Variants in AUTS2 observed in about 807,000 individuals in gnomAD.
AUTS2 encodes autism susceptibility gene 2 protein.
AUTS2 carries 17 observed loss-of-function variants against 112.4 expected under a neutral mutation model. The observed-to-expected ratio is 0.15, with a 90% CI of 0.10 to 0.23. AUTS2 has a LOEUF of 0.23. AUTS2 is among the 10% of genes least tolerant of loss of function. The pLI is 1.00. For missense variants in AUTS2, 1,510 were observed against 1,701.6 expected, an observed-to-expected ratio of 0.89 and a Z score of 1.98; for synonymous variants, 751 against 702.7, an observed-to-expected ratio of 1.07 and a Z score of -1.09.
chr7:70,435,667 G>T, intron 4 of AUTS2, 85 bp from the exon 5 acceptor site: 4 of 1,333,916 alleles, frequency 3.0e-6, no homozygotes, highest in African/African-American at 1.5e-5. Context: ...CACTTTTTTT[G>T]TATGGGGGTT....
intron 3 of AUTS2, among the ~76,000 whole-genome samples, chr7:70,129,901 TTGTGTGTGTGTGTGTG>T (rs34163076): frequency 4.1e-5 from 6 of 147,410 alleles, no homozygotes; most frequent in Admixed American, 4.1e-4. Context: ...TATATATATA[TTGTGTGTGTGTGTGTG>T]TGTGTGTGTG....
Position 70,021,033 on chromosome 7 carries a change from A to T in AUTS2, c.523-97099A>T, listed in dbSNP as rs897216349. On this transcript the variant is annotated intron_variant, in intron 2 of 18. Transcript: ENST00000342771. ...AGATAGAGTTTTGAGCCCAGGCTGG[A>T]GTGCAATGGCGTGATCTCAGCTCAC... Among the ~76,000 whole-genome samples, 18 of 150,824 alleles carry T rather than the reference A, an allele frequency of 1.2e-4. No individual in the cohort carries two copies. The Admixed American group carries it at 1.2e-3, about 10-fold the overall frequency.
chr7:69,849,651 A>T (rs6963708), intron 1 of AUTS2, among the ~76,000 whole-genome samples: 2,276 of 151,254 alleles, frequency 0.015, 65 homozygotes, highest in African/African-American at 0.053. Context: ...AAAATATATC[A>T]CATAAATATG....
At position 70,784,994 on chromosome 7, in the gene AUTS2, C is replaced by T. The variant is rs768708424; in HGVS notation, c.2199C>T (p.Asn733=). ...TPFGPPPHHS[N]FLNPAAHLEP... is the part of the protein sequence containing the mutation. ...TTGGGCCACCTCCTCATCACAGCAA[C>T]TTCCTCAACCCTGCTGCCCACCTAG... Residue 733 remains asparagine, a synonymous_variant, in exon 16 of 19, where the codon AAC becomes AAT. Transcript: ENST00000342771. 1 of 1,614,084 alleles carries T rather than the reference C, an allele frequency of 6.2e-7. No homozygotes were observed. Among genetic ancestry groups the T allele is most frequent in the African/African-American group, 1.3e-5 (1 of 74,932 alleles).
intron 2 of AUTS2, among the ~76,000 whole-genome samples, chr7:69,976,571 C>T (rs1233475515): frequency 6.6e-6 from 1 of 152,104 alleles, no homozygotes; most frequent in Non-Finnish European, 1.5e-5. Context: ...GCAGTTGCAC[C>T]ATTTTACAAT....
chr7:69,721,835 GT>G (rs1798960995), intron 1 of AUTS2, among the ~76,000 whole-genome samples: 1 of 152,120 alleles, frequency 6.6e-6, no homozygotes, highest in Admixed American at 6.5e-5. Context: ...GTAGAAATGA[GT>G]TTTGTGTTTG....
At chr7:70,290,559 T>C in intron 4 of AUTS2, 1 of 1,490,690 alleles carries the variant, frequency 6.7e-7, no homozygotes, top group Non-Finnish European at 8.9e-7. Flanking sequence ...CTATGTGATA[T>C]AGATTCTGTT....
chr7:70,260,303 T>C (rs1787098804), intron 4 of AUTS2, among the ~76,000 whole-genome samples: 1 of 151,996 alleles, frequency 6.6e-6, no homozygotes, highest in African/African-American at 2.4e-5. Context: ...GAGGTGGAGC[T>C]TGCAGTGAGC....
intron 5 of AUTS2, among the ~76,000 whole-genome samples, chr7:70,688,677 T>C (rs1372905307): frequency 6.6e-6 from 1 of 152,062 alleles, no homozygotes; most frequent in Non-Finnish European, 1.5e-5. Context: ...AATTAAAAAT[T>C]AGCCCAGCGT....
At chr7:70,194,395 G>A (rs1412811505) in intron 4 of AUTS2, among the ~76,000 whole-genome samples, 3 of 152,120 alleles carry the variant, frequency 2.0e-5, no homozygotes, top group Non-Finnish European at 4.4e-5. Flanking sequence ...GCGACAGAGC[G>A]AGACCCTGTC....
At chr7:70,713,280 C>A (rs911671298) in intron 6 of AUTS2, among the ~76,000 whole-genome samples, 1 of 152,234 alleles carries the variant, frequency 6.6e-6, no homozygotes, top group Non-Finnish European at 1.5e-5. Context: ...GCCGTGATTA[C>A]CACTAACTAT....
At chr7:70,742,487 G>A (rs774599699) in intron 6 of AUTS2, among the ~76,000 whole-genome samples, 1 of 152,154 alleles carries the variant, frequency 6.6e-6, no homozygotes, top group Non-Finnish European at 1.5e-5. Context: ...TTTCAGCCAG[G>A]CACGGTGGCA....
rs1209477108 is a variant in AUTS2 at position 70,176,547 on chromosome 7, ATAAT to A, written c.660+41980_660+41983del. 2.0e-5 allele frequency among the ~76,000 whole-genome samples: 3 copies of A among 152,248 alleles called. No individual in the cohort carries two copies. The East Asian group carries it at 5.8e-4, about 29-fold the overall frequency. ...GTGTAAATGAAGTTGAATATTAGGA[ATAAT>A]TAACCTTCCTTGCTTACATATGCCA... On this transcript the variant is annotated intron_variant, in intron 4 of 18. Coordinates refer to ENST00000342771, the MANE Select transcript of AUTS2 (RefSeq NM_015570.4).
chr7:70,372,693 T>C (rs1419315380), intron 4 of AUTS2, among the ~76,000 whole-genome samples: 1 of 151,196 alleles, frequency 6.6e-6, no homozygotes, highest in Non-Finnish European at 1.5e-5. Flanking sequence ...TATTTTAAAC[T>C]GCAACCTGGA....
At chr7:70,557,263 A>T (rs1020569552) in intron 5 of AUTS2, among the ~76,000 whole-genome samples, 24 of 152,130 alleles carry the variant, frequency 1.6e-4, no homozygotes, top group African/African-American at 5.6e-4. Context: ...CCTGCTGGCT[A>T]GGATTTGCAG....
At chr7:70,734,490 A>G (rs1041341671) in intron 6 of AUTS2, among the ~76,000 whole-genome samples, 4 of 152,080 alleles carry the variant, frequency 2.6e-5, no homozygotes, top group Non-Finnish European at 4.4e-5. Context: ...GTATGGGGAT[A>G]CATTGTCCCC....
At chr7:70,074,326 A>T (rs979131758) in intron 2 of AUTS2, among the ~76,000 whole-genome samples, 1 of 152,112 alleles carries the variant, frequency 6.6e-6, no homozygotes, top group Non-Finnish European at 1.5e-5. Context: ...ACTTTTCATT[A>T]TATAGACCAT....
intron 5 of AUTS2, among the ~76,000 whole-genome samples, chr7:70,452,927 C>T (rs1796591606): frequency 6.6e-6 from 1 of 152,158 alleles, no homozygotes; most frequent in Admixed American, 6.5e-5. Flanking sequence ...AACTTAATTC[C>T]TGTTGAATTT....
At chr7:69,827,399 AT>A (rs1419385071) in intron 1 of AUTS2, among the ~76,000 whole-genome samples, 1 of 152,108 alleles carries the variant, frequency 6.6e-6, no homozygotes, top group Non-Finnish European at 1.5e-5. Context: ...GGATGCACTT[AT>A]CCTGCGTAGA....
Sources: allele counts gnomAD v4.1 joint callset (sites outside exome capture counted in the v4.1 genomes callset), GRCh38; gene constraint gnomAD v4.1.1; transcripts MANE v1.5; gene names NCBI Gene and HGNC (gene_info 2026-07-23, HGNC 2026-07-21).